Variants in TG observed in about 807,000 individuals in gnomAD.
TG encodes thyroglobulin, also known as thyroid hormones.
Under a neutral mutation model 324.7 loss-of-function variants are expected in TG, and 270 were observed. The observed-to-expected ratio is 0.83, with a 90% CI of 0.75 to 0.92. The LOEUF is 0.92. TG is among the 40% of genes least tolerant of loss of function. The pLI, the probability that TG is intolerant of heterozygous loss-of-function variation, is 0.00. For synonymous variants in TG, 1,401 were observed against 1,327.0 expected (o/e 1.06, Z -1.21); for missense variants, 3,591 against 3,456.4 (o/e 1.04, Z -0.98).
chr8:133,126,243 T>C (rs1301377688), intron 45 of TG, among the ~76,000 whole-genome samples: 1 of 152,224 alleles, frequency 6.6e-6, no homozygotes, highest in Non-Finnish European at 1.5e-5. Flanking sequence ...TAGTGCATGA[T>C]CTATTATTTC....
chr8:133,060,141 G>A, intron 41 of TG: 3 of 1,612,456 alleles, frequency 1.9e-6, no homozygotes, highest in Non-Finnish European at 2.5e-6. Context: ...CGCAGGGGTG[G>A]ATTTCATGCT....
At chr8:132,948,586 A>G (rs927086714) in intron 26 of TG, among the ~76,000 whole-genome samples, 190 bp from the exon 27 acceptor site, 11 of 152,204 alleles carry the variant, frequency 7.2e-5, no homozygotes, top group African/African-American at 2.7e-4. Context: ...AAATTTGCCA[A>G]TAAGACAACT....
At chr8:132,940,445 A>G (rs1824283852) in intron 25 of TG, among the ~76,000 whole-genome samples, 1 of 152,254 alleles carries the variant, frequency 6.6e-6, no homozygotes, top group South Asian at 2.1e-4. Context: ...AGACTTAGGG[A>G]CGGGAAACCC....
intron 35 of TG, among the ~76,000 whole-genome samples, chr8:133,004,722 C>G (rs79313752): frequency 1.2e-3 from 185 of 152,294 alleles, no homozygotes; most frequent in African/African-American, 4.3e-3. Flanking sequence ...GAGTGACTGA[C>G]CCTGCCAACC....
intron 20 of TG, among the ~76,000 whole-genome samples, chr8:132,916,061 G>A (rs2132417330): frequency 6.6e-6 from 1 of 152,258 alleles, no homozygotes; most frequent in Admixed American, 6.5e-5. Context: ...TATGCATGAG[G>A]AACCGAGGGG....
chr8:132,929,615 A>G (rs922849041), intron 23 of TG, among the ~76,000 whole-genome samples: 1 of 120,650 alleles, frequency 8.3e-6, no homozygotes, highest in African/African-American at 2.5e-5. Context: ...TACAGAAGAC[A>G]AAAATAGTTT....
intron 41 of TG, among the ~76,000 whole-genome samples, chr8:133,091,484 T>C (rs1847521026): frequency 6.6e-6 from 1 of 152,174 alleles, no homozygotes; most frequent in Non-Finnish European, 1.5e-5. Context: ...GTTGCTTTGC[T>C]TCTTGGAGCT....
chr8:132,953,803 A>G (rs905604295), intron 27 of TG, among the ~76,000 whole-genome samples: 2 of 152,114 alleles, frequency 1.3e-5, no homozygotes, highest in African/African-American at 4.8e-5. Context: ...GGATCTCCCA[A>G]ATTTCCAATG....
At chr8:132,950,602 G>A (rs559926246) in intron 27 of TG, among the ~76,000 whole-genome samples, 52 of 152,316 alleles carry the variant, frequency 3.4e-4, no homozygotes, top group African/African-American at 1.2e-3. Flanking sequence ...CCTTTGTTAG[G>A]CAGTGCAGTC....
At chr8:132,959,647 C>T (rs1335514013) in intron 27 of TG, among the ~76,000 whole-genome samples, 1 of 152,134 alleles carries the variant, frequency 6.6e-6, no homozygotes. Flanking sequence ...ATTATCCTCT[C>T]CTTAGTGTGG....
chr8:132,973,127 G>T (rs1332700627), intron 34 of TG, among the ~76,000 whole-genome samples: 1 of 152,224 alleles, frequency 6.6e-6, no homozygotes, highest in East Asian at 1.9e-4. Flanking sequence ...CACGCTGCCA[G>T]AGGGAGAGTG....
chr8:133,019,194 C>A (rs947252959), intron 38 of TG, among the ~76,000 whole-genome samples: 2 of 152,154 alleles, frequency 1.3e-5, no homozygotes, highest in Non-Finnish European at 1.5e-5. Context: ...CTGGGAGTTG[C>A]TCAAACCAGC....
chr8:133,091,810 C>G (rs1414874433), intron 41 of TG, among the ~76,000 whole-genome samples: 1 of 151,686 alleles, frequency 6.6e-6, no homozygotes, highest in Non-Finnish European at 1.5e-5. Context: ...CTCCCTGTGT[C>G]CATGAGTGTA....
At chr8:133,130,502 T>A (rs915218544) in intron 45 of TG, among the ~76,000 whole-genome samples, 1 of 152,024 alleles carries the variant, frequency 6.6e-6, no homozygotes, top group Non-Finnish European at 1.5e-5. Context: ...CCACTGAGGA[T>A]GGAGGAAGGC....
chr8:133,057,573 C>T (rs1841676322), intron 41 of TG, among the ~76,000 whole-genome samples: 1 of 152,120 alleles, frequency 6.6e-6, no homozygotes, highest in Non-Finnish European at 1.5e-5. Context: ...TGTTCCAGAT[C>T]TCTGGGGCAG....
rs139915756 is a variant in TG, at chr8:132,994,660, C to A, written c.6262+11248C>A. The A allele has an allele frequency of 2.0e-4, 255 of 1,282,158 alleles. 1 individual carries two copies. The highest frequency in any genetic ancestry group is 2.1e-5 in the Non-Finnish European group (21 of 984,702). 79.4% of individuals were successfully genotyped at this position (1,282,158 alleles called of 1,614,324 possible). On this transcript the variant is annotated intron_variant, in intron 35 of 47. Coordinates refer to ENST00000220616, the MANE Select transcript of TG (RefSeq NM_003235.5). ...TTGTTGAGTGTGCTGAATTCCCTGACCTCCTGAAGGAACTCAGTTTGACTT... is the reference window on the plus strand; with the variant it reads ...TTGTTGAGTGTGCTGAATTCCCTGAACTCCTGAAGGAACTCAGTTTGACTT...
intron 27 of TG, among the ~76,000 whole-genome samples, chr8:132,949,341 T>C (rs1478793273): frequency 1.3e-5 from 2 of 152,184 alleles, no homozygotes; most frequent in Non-Finnish European, 2.9e-5. Context: ...AAAGGAGAAA[T>C]AAGCAAGGCC....
At chr8:133,047,856 A>T in intron 41 of TG, 2 of 1,609,478 alleles carry the variant, frequency 1.2e-6, no homozygotes, top group South Asian at 1.1e-5. Context: ...CTCTCTGATC[A>T]TGAAGGAGCC....
At chr8:133,035,447 T>C (rs1297056579) in intron 41 of TG, among the ~76,000 whole-genome samples, 1 of 152,214 alleles carries the variant, frequency 6.6e-6, no homozygotes, top group Non-Finnish European at 1.5e-5. Context: ...ATCCATTTGT[T>C]GGCAGAAAAG....
Sources: allele counts gnomAD v4.1 joint callset (sites outside exome capture counted in the v4.1 genomes callset), GRCh38; gene constraint gnomAD v4.1.1; transcripts MANE v1.5; gene names NCBI Gene and HGNC (gene_info 2026-07-23, HGNC 2026-07-21).